The following TCF20 variants were observed in gnomAD, a reference collection of about 807,000 sequenced individuals.
TCF20 encodes the protein SPRE-binding protein.
Under a neutral mutation model 148.6 loss-of-function variants are expected in TCF20, and 3 were observed. The observed-to-expected ratio is 0.02, with a 90% CI of 0.01 to 0.05. The LOEUF is 0.05. Among genes scored for constraint, TCF20 ranks in the 10% least tolerant of loss-of-function variants. The probability of loss-of-function intolerance (pLI) is 1.00; values close to 1 mark genes in which losing one functional copy is unlikely to be tolerated. For synonymous variants in TCF20, 1,049 were observed against 909.5 expected (o/e 1.15, Z -2.76); for missense variants, 2,350 against 2,429.3 (o/e 0.97, Z 0.69).
intron 1 of TCF20, among the ~76,000 whole-genome samples, chr22:42,334,364 CAAG>C (rs71748701): frequency 0.034 from 5,134 of 152,256 alleles, 116 homozygotes; most frequent in Non-Finnish European, 0.049. Context: ...AATGAGGAGT[CAAG>C]AAGCAGCTAG....
At position 42,213,441 on chromosome 22, in the gene TCF20, C is replaced by G; in HGVS notation, c.1865G>C (p.Gly622Ala). The part of the protein sequence containing the change: ...AMTGRVEKPG[G>A]QDKGSQEDDP... ...ATCCTCTTGGGAGCCTTTATCTTGT[C>G]CACCAGGCTTTTCTACCCGACCTGT... Residue 622 changes from glycine (G) to alanine (A), a missense_variant, in exon 2 of 6, where the codon GGA (glycine) becomes GCA (alanine). Around this residue, in one of 7 missense-constraint regions of TCF20, gnomAD observed 1,641 missense variants for 1,662.6 expected, o/e 0.99. Transcript: ENST00000677622. The G allele has an allele frequency of 6.2e-7, 1 of 1,614,164 alleles. No individual in the cohort carries two copies. The highest frequency in any genetic ancestry group is 8.5e-7 in the Non-Finnish European group (1 of 1,180,024).
chr22:42,199,124 T>C (rs1474275916), intron 2 of TCF20, among the ~76,000 whole-genome samples: 2 of 152,342 alleles, frequency 1.3e-5, no homozygotes, highest in African/African-American at 2.4e-5. Context: ...GATTGCGGCA[T>C]TCTTCTACGA....
intron 1 of TCF20, among the ~76,000 whole-genome samples, chr22:42,305,816 C>T (rs1352608083): frequency 6.6e-6 from 1 of 152,116 alleles, no homozygotes; most frequent in African/African-American, 2.4e-5. Flanking sequence ...GGCCCTCCCC[C>T]ACCCCATCTC....
rs537436503 is a variant in TCF20 at position 42,212,078 on chromosome 22, G to A, written c.3228C>T (p.Asn1076=). 154 of 1,614,122 alleles carry A rather than the reference G, an allele frequency of 9.5e-5. No individual in the cohort carries two copies. In the South Asian group the frequency reaches 1.5e-3, roughly 16 times the overall value. The change falls in exon 2 of 6, where the codon AAC becomes AAT. Residue 1076 remains asparagine (N), a synonymous_variant. Transcript: ENST00000677622. ...NTRAHAYGDP[N]AGLNSQLHYK... The stretch of plus-strand genomic sequence containing the variant: ...AATGCAGCTGAGAATTCAAACCTGC[G>A]TTAGGGTCCCCATAAGCATGAGCCC...
At chr22:42,259,125 T>C (rs930378077) in intron 1 of TCF20, among the ~76,000 whole-genome samples, 1 of 152,224 alleles carries the variant, frequency 6.6e-6, no homozygotes, top group Non-Finnish European at 1.5e-5. Context: ...CCATGCTCTC[T>C]GGAGTTTCCT....
intron 1 of TCF20, among the ~76,000 whole-genome samples, chr22:42,269,172 ACT>A (rs1926454195): frequency 6.6e-6 from 1 of 151,338 alleles, no homozygotes; most frequent in Non-Finnish European, 1.5e-5. Context: ...GCTGTATAAA[ACT>A]CTTCACTCTT....
At chr22:42,249,914 A>C (rs945603142) in intron 1 of TCF20, among the ~76,000 whole-genome samples, 13 of 152,168 alleles carry the variant, frequency 8.5e-5, no homozygotes, top group Middle Eastern at 3.2e-3. Context: ...ACTCCACAGA[A>C]GTGCATTATC....
At chr22:42,218,852 G>C (rs1922060285) in intron 1 of TCF20, among the ~76,000 whole-genome samples, 1 of 151,242 alleles carries the variant, frequency 6.6e-6, no homozygotes, top group South Asian at 2.1e-4. Flanking sequence ...TCCCTGTCCT[G>C]TATGATACCC....
chr22:42,271,811 C>T (rs762227634), upstream of TCF20, among the ~76,000 whole-genome samples: 3 of 152,186 alleles, frequency 2.0e-5, no homozygotes, highest in Admixed American at 6.5e-5. Flanking sequence ...AAAGTGCTTC[C>T]GGCAGCAGGT....
At chr22:42,224,452 C>T (rs1041798333) in intron 1 of TCF20, among the ~76,000 whole-genome samples, 1 of 138,720 alleles carries the variant, frequency 7.2e-6, no homozygotes, top group African/African-American at 2.7e-5. Flanking sequence ...GGGCAACAAG[C>T]GAGACTCTGT....
intron 3 of TCF20, among the ~76,000 whole-genome samples, chr22:42,174,802 A>G (rs557967637): frequency 1.1e-4 from 16 of 152,068 alleles, no homozygotes; most frequent in Middle Eastern, 3.4e-3. Flanking sequence ...TTGGGGGGCC[A>G]AGGTGGGCAG....
At chr22:42,194,045 T>A (rs1188898455) in intron 2 of TCF20, among the ~76,000 whole-genome samples, 1 of 152,182 alleles carries the variant, frequency 6.6e-6, no homozygotes, top group East Asian at 1.9e-4. Context: ...ATTTCAGAGT[T>A]CCCAAGTCAA....
At chr22:42,296,020 C>T (rs1031530209) in intron 1 of TCF20, among the ~76,000 whole-genome samples, 5 of 152,204 alleles carry the variant, frequency 3.3e-5, no homozygotes, top group South Asian at 2.1e-4. Flanking sequence ...TTGCCTTCCC[C>T]GTTTTCTAGC....
intron 1 of TCF20, among the ~76,000 whole-genome samples, chr22:42,296,589 G>A (rs1927241539): frequency 6.7e-6 from 1 of 149,070 alleles, no homozygotes; most frequent in Non-Finnish European, 1.5e-5. Flanking sequence ...GCCAGCCAGA[G>A]AGGAAGCAGC....
intron 1 of TCF20, among the ~76,000 whole-genome samples, chr22:42,242,542 C>G (rs570695161): frequency 6.6e-6 from 1 of 152,014 alleles, no homozygotes; most frequent in Non-Finnish European, 1.5e-5. Flanking sequence ...ACTCTCAGCA[C>G]GTGAGGAGCT....
chr22:42,210,229 C>G lies in TCF20; in HGVS notation c.5077G>C (p.Val1693Leu). 6.2e-7 allele frequency: 1 copy of G among 1,614,188 alleles called. No individual in the cohort carries two copies. Residue 1693 changes from valine (V) to leucine (L), a missense_variant, in exon 2 of 6, where the codon GTT becomes CTT. Val to Leu is a conservative substitution (Grantham distance 32). Coordinates refer to ENST00000677622, the MANE Select transcript of TCF20 (RefSeq NM_001378418.1). The surrounding 1 kb of genome is among the most constrained non-coding windows in gnomAD (Gnocchi z 4.7). ...PASSFMLQGP[V>L]VTESSVMGHL... The stretch of plus-strand genomic sequence containing the variant: ...CCCATAACCGAAGACTCTGTCACAA[C>G]AGGTCCCTGCAGCATAAAGGACGAG...
chr22:42,212,870 T>C lies in TCF20; in HGVS notation c.2436A>G (p.Leu812=), dbSNP rs1461095964. The C allele has an allele frequency of 2.5e-6, 4 of 1,614,080 alleles. No homozygotes were observed. The highest frequency in any genetic ancestry group is 1.3e-5 in the African/African-American group (1 of 74,926). ...GLLNKSIGSL[L]ENPHWGPWER... is the part of the protein sequence containing the mutation. ...CCCAGGGGCCCCAGTGGGGATTTTC[T>C]AATAGAGACCCAATGCTTTTGTTCA... Residue 812 remains leucine, a synonymous_variant, in exon 2 of 6, where the codon TTA becomes TTG. Coordinates refer to ENST00000677622, the MANE Select transcript of TCF20 (RefSeq NM_001378418.1).
intron 1 of TCF20, among the ~76,000 whole-genome samples, chr22:42,324,205 A>ATGG (rs200276389): frequency 8.2e-6 from 1 of 122,444 alleles, no homozygotes; most frequent in African/African-American, 3.0e-5. Context: ...GGTGGAGGTT[A>ATGG]TGGTGGAGGT....
chr22:42,321,662 C>T (rs1402528004), intron 1 of TCF20, among the ~76,000 whole-genome samples: 1 of 151,688 alleles, frequency 6.6e-6, no homozygotes, highest in African/African-American at 2.4e-5. Flanking sequence ...AACAGGGGGA[C>T]CAGGCTGGGC....
Sources: gnomAD v4.1 joint callset for allele counts (sites outside exome capture counted in the v4.1 genomes callset) on GRCh38, gnomAD v4.1.1 for gene constraint, gnomAD v4.1.1 regional missense constraint, Gnocchi (gnomAD v3.1) non-coding constraint, MANE v1.5 for transcripts, NCBI Gene and HGNC (gene_info 2026-07-23, HGNC 2026-07-21) for gene names.